ATG2A: variants seen among roughly 807,000 people sequenced by gnomAD.
ATG2A encodes autophagy-related protein 2 homolog A.
Under a neutral mutation model 214.2 loss-of-function variants are expected in ATG2A, and 103 were observed. The ratio of observed to expected loss-of-function variants is 0.48; its 90% CI spans 0.41 to 0.57. ATG2A has a LOEUF of 0.57. Among genes scored for constraint, ATG2A ranks in the 20% least tolerant of loss-of-function variants. The pLI, the probability that ATG2A is intolerant of heterozygous loss-of-function variation, is 0.00. For synonymous variants in ATG2A, 1,160 were observed against 1,142.1 expected (o/e 1.02, Z -0.32); for missense variants, 2,312 against 2,613.2 (o/e 0.88, Z 2.51).
At position 64,913,153 on chromosome 11, in the gene ATG2A, T is replaced by C. The variant is rs1448394781; in HGVS notation, c.727-17A>G. ...AGGCTCTTCCTGGGAGACGGGAGGA[T>C]ACAAGAGGGAAAGGTTGAGAAAATG... is the stretch of plus-strand genomic sequence containing the variant. On this transcript the variant is annotated splice_polypyrimidine_tract_variant and intron_variant, in intron 5 of 40. Transcript: ENST00000377264. This position sits in a 1 kb window ranked among gnomAD's most constrained non-coding sequence, Gnocchi z 4.3. 1.3e-6 allele frequency: 2 copies of C among 1,591,156 alleles called. No individual in the cohort carries two copies. Among genetic ancestry groups the C allele is most frequent in the Non-Finnish European group, 1.7e-6 (2 of 1,166,984 alleles).
intron 37 of ATG2A, 174 bp from the exon 38 acceptor site, chr11:64,897,043 T>C: frequency 1.1e-6 from 1 of 927,508 alleles, no homozygotes; most frequent in Admixed American, 3.0e-5. Flanking sequence ...TTTTTTTAGA[T>C]GGAGTCTTGC....
chr11:64,906,884 G>T, intron 19 of ATG2A, 69 bp from the exon 20 acceptor site: 1 of 1,531,996 alleles, frequency 6.5e-7, no homozygotes, highest in African/African-American at 1.4e-5. Context: ...CTGGGGGTTG[G>T]CGGCTCCTGG....
chr11:64,913,219 G>A lies in ATG2A; in HGVS notation c.726+47C>T, dbSNP rs746546173. 5.0e-6 allele frequency: 8 copies of A among 1,611,788 alleles called. No individual in the cohort carries two copies. Among genetic ancestry groups the A allele is most frequent in the South Asian group, 3.3e-5 (3 of 90,716 alleles). On this transcript the variant is annotated intron_variant, in intron 5 of 40. Coordinates refer to ENST00000377264, the MANE Select transcript of ATG2A (RefSeq NM_015104.3). The surrounding 1 kb of genome is among the most constrained non-coding windows in gnomAD (Gnocchi z 4.3). ...AGAAAGGATGGGAGGGGCTCAATGG[G>A]CTCAAGGGAGAGGAGACAGGGGCTG...
At chr11:64,901,836 C>T in intron 29 of ATG2A, 126 bp downstream of exon 29, 1 of 1,129,454 alleles carries the variant, frequency 8.9e-7, no homozygotes, top group Admixed American at 2.0e-5. Flanking sequence ...TGATGGCAAC[C>T]ACCTCCTGCC....
intron 6 of ATG2A, chr11:64,912,767 A>G: frequency 2.2e-6 from 1 of 447,182 alleles, no homozygotes; most frequent in Non-Finnish European, 4.0e-6. Flanking sequence ...CTAATTTTGT[A>G]TTTTTAGTAG....
chr11:64,907,325 T>C lies in ATG2A; in HGVS notation c.2762A>G (p.His921Arg). The C allele has an allele frequency of 6.4e-7, 1 of 1,552,652 alleles. No homozygotes were observed. The highest frequency in any genetic ancestry group is 8.7e-7 in the Non-Finnish European group (1 of 1,147,986). ...CAGTGTAGAGAAGGTGCTCTGCAAG[T>C]GAAGACTTGGGGCCTCAGGGGCAGC... is the stretch of plus-strand genomic sequence containing the variant. ...QAAAPEAPSL[H>R]LQSTFSTLVT... The change falls in exon 19 of 41, where the codon CAC becomes CGC. Residue 921 changes from histidine (H) to arginine (R), a missense_variant. Transcript: ENST00000377264.
At position 64,909,791 on chromosome 11, in the gene ATG2A, G is replaced by A; in HGVS notation, c.1997C>T (p.Ala666Val). ...PDPWAGQAVR[A>V]EQLRLELSEP... ...ACTCAGCTCCAGCCGAAGCTGCTCA[G>A]CCCGCACGGCCTGGCCCGCCCAGGG... The change falls in exon 14 of 41, where the codon GCT (alanine) becomes GTT (valine). Residue 666 changes from alanine (A) to valine (V), a missense_variant. Ala to Val is a moderately conservative substitution (Grantham distance 64). Coordinates refer to ENST00000377264, the MANE Select transcript of ATG2A (RefSeq NM_015104.3). 1 of 1,612,314 alleles carries A rather than the reference G, an allele frequency of 6.2e-7. No homozygotes were observed. The highest frequency in any genetic ancestry group is 2.2e-5 in the East Asian group (1 of 44,878).
At position 64,895,353 on chromosome 11, in the gene ATG2A, G is replaced by A. The variant is rs144231884; in HGVS notation, c.5517C>T (p.Arg1839=). ...GCAGGTCGGCAGGCTGCTGGCCCCTGCGCAGCCTCCGCGCAGAGCGCTTAT... is the reference window on the plus strand; with the variant it reads ...GCAGGTCGGCAGGCTGCTGGCCCCTACGCAGCCTCCGCGCAGAGCGCTTAT... ...LQDKRSARRL[R]RGQQPADLRE... is the part of the protein sequence containing the mutation. Residue 1839 remains arginine, a synonymous_variant, in exon 40 of 41, where the codon CGC becomes CGT. Transcript: ENST00000377264. The surrounding 1 kb of genome is among the most constrained non-coding windows in gnomAD (Gnocchi z 5.0). 3.0e-3 allele frequency: 4,764 copies of A among 1,613,178 alleles called. 7 individuals are homozygous for A. Among genetic ancestry groups the A allele is most frequent in the Non-Finnish European group, 3.7e-3 (4,410 of 1,179,834 alleles).
rs746478096 is a variant in ATG2A at position 64,911,177 on chromosome 11, C to T, written c.1327G>A (p.Ala443Thr). The T allele has an allele frequency of 7.4e-6, 12 of 1,614,148 alleles. No individual in the cohort carries two copies. The South Asian group carries it at 1.3e-4, about 18-fold the overall frequency. The change falls in exon 10 of 41, where the codon GCC becomes ACC. Residue 443 changes from alanine (A) to threonine (T), a missense_variant. Coordinates refer to ENST00000377264, the MANE Select transcript of ATG2A (RefSeq NM_015104.3). ...GVTLTLLQTS[A>T]PSSGPPDLAT... ...AGGTCAGGTGGTCCGGAAGATGGGG[C>T]AGACGTCTGAAGCAAGGTCAGGGTC...
rs777524856 is a variant in ATG2A, at chr11:64,909,340, G to T, written c.2135C>A (p.Pro712His). 3 of 1,613,550 alleles carry T rather than the reference G, an allele frequency of 1.9e-6. No homozygotes were observed. The South Asian group carries it at 3.3e-5, about 18-fold the overall frequency. ...HGIYEDGGKP[P>H]VPCLRVSKAL... ...TTTGGAGACACGCAGGCAAGGGACA[G>T]GTGGCTTCCCTCCATCTTCATAGAT... Residue 712 changes from proline to histidine, a missense_variant, in exon 15 of 41, where the codon CCT becomes CAT. Physicochemically the swap from Pro to His is moderately conservative, Grantham distance 77 (BLOSUM62 -2). Coordinates refer to ENST00000377264, the MANE Select transcript of ATG2A (RefSeq NM_015104.3).
intron 38 of ATG2A, 41 bp downstream of exon 38, chr11:64,896,707 G>A (rs759420148): frequency 6.8e-6 from 11 of 1,611,632 alleles, no homozygotes; most frequent in Admixed American, 5.0e-5. Flanking sequence ...GTTGCCCAAG[G>A]GTAAAAGCAG....
In ATG2A at chr11:64,909,075, C is replaced by T. The variant is rs548409011; in HGVS notation, c.2280G>A (p.Glu760=). 115 of 1,613,316 alleles carry T rather than the reference C, an allele frequency of 7.1e-5. No homozygotes were observed. The South Asian group carries it at 1.2e-3, about 17-fold the overall frequency. Residue 760 remains glutamate, a synonymous_variant, in exon 16 of 41, where the codon GAG becomes GAA. Coordinates refer to ENST00000377264, the MANE Select transcript of ATG2A (RefSeq NM_015104.3). ...GCTCACAGGGACTCTCCACTGACAG[C>T]TCCAGTTCCTCTCCCTTCTCCGGGG... ...EVAPEKGEEL[E]LSVESPCELR... is the part of the protein sequence containing the mutation.
chr11:64,910,088 G>C lies in ATG2A; in HGVS notation c.1815C>G (p.Ala605=), dbSNP rs371805648. The C allele has an allele frequency of 5.0e-5, 80 of 1,608,810 alleles. No individual in the cohort carries two copies. In the African/African-American group the frequency reaches 9.6e-4, roughly 19 times the overall value. The change falls in exon 13 of 41, where the codon GCC becomes GCG. Residue 605 remains alanine (A), a synonymous_variant. Coordinates refer to ENST00000377264, the MANE Select transcript of ATG2A (RefSeq NM_015104.3). ...CAGGTACGGTGGCCAGGCGCAGTAG[G>C]GCGGCCAGCCGGTCCAGGGCCCCCA... ...VELGALDRLA[A]LLRLATVPAE...
chr11:64,914,504 G>A lies in ATG2A; in HGVS notation c.172-4C>T, dbSNP rs375764032. The A allele has an allele frequency of 1.1e-5, 18 of 1,611,350 alleles. No homozygotes were observed. The African/African-American group carries it at 2.3e-4, about 20-fold the overall frequency. On this transcript the variant is annotated splice_region_variant and splice_polypyrimidine_tract_variant and intron_variant, in intron 1 of 40. Coordinates refer to ENST00000377264, the MANE Select transcript of ATG2A (RefSeq NM_015104.3). ...ACTCCAGCACCTCGTTCACAGACTG[G>A]GAGCAAGCAAGAGACAAAACCAGCT...
Position 64,898,566 on chromosome 11 carries a change from G to A in ATG2A, c.4671+70C>T. 5 of 1,538,956 alleles carry A rather than the reference G, an allele frequency of 3.2e-6. No homozygotes were observed. Among genetic ancestry groups the A allele is most frequent in the Non-Finnish European group, 4.5e-6 (5 of 1,115,184 alleles). On this transcript the variant is annotated intron_variant, in intron 32 of 40. Coordinates refer to ENST00000377264, the MANE Select transcript of ATG2A (RefSeq NM_015104.3). This position sits in a 1 kb window ranked among gnomAD's most constrained non-coding sequence, Gnocchi z 4.5. Reference sequence around the variant, plus strand: ...AATGCGTGTATGTGTGTGAATCCATGCATGCGTGAAGATGTATCCCCAACG... The same window carrying A: ...AATGCGTGTATGTGTGTGAATCCATACATGCGTGAAGATGTATCCCCAACG...
chr11:64,896,969 T>C, intron 37 of ATG2A, 100 bp from the exon 38 acceptor site: 1 of 1,495,180 alleles, frequency 6.7e-7, no homozygotes, highest in East Asian at 2.4e-5. Flanking sequence ...GCAAGTACTG[T>C]GGGCACTCTA....
Position 64,914,423 on chromosome 11 carries a change from G to T in ATG2A, c.249C>A (p.Ala83=). The stretch of plus-strand genomic sequence containing the variant: ...CGGTGAGCAGAGCAGCCCAGGGCAC[G>T]GCCACCTCGATGGAGCCCACGAAGC... ...VEGFVGSIEV[A]VPWAALLTDH... Residue 83 remains alanine (A), a synonymous_variant, in exon 2 of 41, where the codon GCC becomes GCA. Coordinates refer to ENST00000377264, the MANE Select transcript of ATG2A (RefSeq NM_015104.3). 1.2e-6 allele frequency: 2 copies of T among 1,612,486 alleles called. No homozygotes were observed. The highest frequency in any genetic ancestry group is 1.7e-6 in the Non-Finnish European group (2 of 1,179,706).
chr11:64,900,220 A>G (rs1230176518), intron 31 of ATG2A, among the ~76,000 whole-genome samples: 1 of 151,714 alleles, frequency 6.6e-6, no homozygotes, highest in Non-Finnish European at 1.5e-5. Context: ...CCTGGCTCAC[A>G]TCCCCACTTG....
At position 64,895,226 on chromosome 11, in the gene ATG2A, T is replaced by G; in HGVS notation, c.5581-17A>C. 6.2e-7 allele frequency: 1 copy of G among 1,612,860 alleles called. No homozygotes were observed. On this transcript the variant is annotated splice_polypyrimidine_tract_variant and intron_variant, in intron 40 of 40. Transcript: ENST00000377264. This position sits in a 1 kb window ranked among gnomAD's most constrained non-coding sequence, Gnocchi z 5.0. ...CAAGATGCCCTGTGGAAGCCAGAGG[T>G]CAGGGCGGGGTCTGTGTGAGGAGAT...
Sources: gnomAD v4.1 joint callset for allele counts (sites outside exome capture counted in the v4.1 genomes callset) on GRCh38, gnomAD v4.1.1 for gene constraint, Gnocchi (gnomAD v3.1) non-coding constraint, MANE v1.5 for transcripts, NCBI Gene and HGNC (gene_info 2026-07-23, HGNC 2026-07-21) for gene names.